SORCS1: variants seen among roughly 807,000 people sequenced by gnomAD.
SORCS1 encodes the protein VPS10 domain-containing receptor SorCS1.
A neutral mutation model predicts 146.1 loss-of-function variants in SORCS1; 60 were observed. The observed-to-expected ratio is 0.41, with a 90% CI of 0.33 to 0.51. SORCS1 has a LOEUF of 0.51. Among genes scored for constraint, SORCS1 ranks in the 20% least tolerant of loss-of-function variants. The probability of loss-of-function intolerance (pLI) is 0.21; values close to 1 mark genes in which losing one functional copy is unlikely to be tolerated. For missense variants in SORCS1, 1,352 were observed against 1,487.6 expected (o/e 0.91, Z 1.50); for synonymous variants, 637 against 584.0 (o/e 1.09, Z -1.31).
chr10:106,703,385 A>G (rs1330599307), intron 8 of SORCS1, among the ~76,000 whole-genome samples: 1 of 152,122 alleles, frequency 6.6e-6, no homozygotes, highest in Admixed American at 6.6e-5. Flanking sequence ...TTTATAGAGT[A>G]TCTGTCCTCC....
At chr10:106,924,519 T>A in intron 2 of SORCS1, among the ~76,000 whole-genome samples, 1 of 147,742 alleles carries the variant, frequency 6.8e-6, no homozygotes, top group East Asian at 2.0e-4. Flanking sequence ...CTATCTAATT[T>A]GCATTGGGCA....
intron 1 of SORCS1, among the ~76,000 whole-genome samples, chr10:106,987,339 A>G (rs1380093365): frequency 6.6e-6 from 1 of 152,244 alleles, no homozygotes; most frequent in East Asian, 1.9e-4. Context: ...CAGTGATCAG[A>G]AACTGAAATC....
At chr10:107,050,399 A>G (rs949214017) in intron 1 of SORCS1, among the ~76,000 whole-genome samples, 2 of 152,190 alleles carry the variant, frequency 1.3e-5, no homozygotes, top group African/African-American at 2.4e-5. Context: ...CTTTTCCACA[A>G]TCAGAAGCAG....
chr10:106,590,346 T>C (rs1845526090), intron 24 of SORCS1, among the ~76,000 whole-genome samples: 1 of 152,152 alleles, frequency 6.6e-6, no homozygotes, highest in African/African-American at 2.4e-5. Flanking sequence ...GCCAGCTCAG[T>C]GTGAGTGAGG....
the SORCS1 span, among the ~76,000 whole-genome samples, chr10:107,175,427 T>C: frequency 6.6e-6 from 1 of 152,016 alleles, no homozygotes; most frequent in Non-Finnish European, 1.5e-5. Context: ...TATCAACCTA[T>C]TTAGATTTCT....
chr10:106,633,084 A>AAGAC (rs1387338608), intron 18 of SORCS1, among the ~76,000 whole-genome samples: 1 of 152,152 alleles, frequency 6.6e-6, no homozygotes, highest in African/African-American at 2.4e-5. Flanking sequence ...AGAGAAAAAT[A>AAGAC]CCTTCTGGGA....
intron 21 of SORCS1, among the ~76,000 whole-genome samples, chr10:106,615,885 T>C (rs995005071): frequency 6.6e-6 from 1 of 152,146 alleles, no homozygotes; most frequent in Admixed American, 6.5e-5. Flanking sequence ...CTTACAAACA[T>C]ACCCTCTGGA....
chr10:106,970,357 A>ATTTTT (rs1955719800), intron 1 of SORCS1, among the ~76,000 whole-genome samples: 1 of 24,522 alleles, frequency 4.1e-5, no homozygotes, highest in African/African-American at 2.3e-4. Context: ...TTTTTTTTTG[A>ATTTTT]GATGGAGTTT....
intron 2 of SORCS1, among the ~76,000 whole-genome samples, chr10:106,900,925 T>C (rs2138066349): frequency 6.6e-6 from 1 of 152,362 alleles, no homozygotes; most frequent in Admixed American, 6.5e-5. Flanking sequence ...CAATCTATCA[T>C]AAACTTGTCT....
intron 23 of SORCS1, among the ~76,000 whole-genome samples, chr10:106,599,153 T>C (rs1589441565): frequency 6.6e-6 from 1 of 151,972 alleles, no homozygotes; most frequent in East Asian, 1.9e-4. Context: ...ATCACTTCAG[T>C]TCAGGAGTTC....
At chr10:106,830,521 G>T (rs1948492868) in intron 2 of SORCS1, among the ~76,000 whole-genome samples, 1 of 149,238 alleles carries the variant, frequency 6.7e-6, no homozygotes, top group Non-Finnish European at 1.5e-5. Context: ...TTGAATTCAG[G>T]TATTTTCGCC....
At chr10:106,852,384 C>T (rs952567096) in intron 2 of SORCS1, among the ~76,000 whole-genome samples, 5 of 152,108 alleles carry the variant, frequency 3.3e-5, no homozygotes, top group African/African-American at 9.7e-5. Flanking sequence ...AATCCCAGCA[C>T]TTTCGAAGGC....
At chr10:106,636,164 G>A (rs1848710452) in intron 18 of SORCS1, among the ~76,000 whole-genome samples, 1 of 152,120 alleles carries the variant, frequency 6.6e-6, no homozygotes, top group African/African-American at 2.4e-5. Flanking sequence ...CGAGGCTGAA[G>A]TGAGAGGACC....
chr10:106,650,290 G>T (rs1849762154), intron 18 of SORCS1, among the ~76,000 whole-genome samples: 1 of 152,172 alleles, frequency 6.6e-6, no homozygotes, highest in South Asian at 2.1e-4. Flanking sequence ...TGGGTACAGA[G>T]GGCTTGTTCT....
chr10:107,006,746 G>C (rs2139683539), intron 1 of SORCS1, among the ~76,000 whole-genome samples: 1 of 152,356 alleles, frequency 6.6e-6, no homozygotes, highest in African/African-American at 2.4e-5. Context: ...GAACCTGGGA[G>C]GCGGAGCTTG....
chr10:106,782,875 C>T (rs1383736909), intron 3 of SORCS1, among the ~76,000 whole-genome samples: 1 of 152,178 alleles, frequency 6.6e-6, no homozygotes, highest in East Asian at 1.9e-4. Flanking sequence ...ACTTCTGTTC[C>T]ACAGGAAGAG....
intron 3 of SORCS1, among the ~76,000 whole-genome samples, chr10:106,782,537 C>T (rs777904305): frequency 2.6e-5 from 4 of 152,180 alleles, no homozygotes; most frequent in African/African-American, 4.8e-5. Context: ...AGGAGTCATT[C>T]AGTACCTCTT....
intron 1 of SORCS1, among the ~76,000 whole-genome samples, chr10:107,019,878 A>T (rs1958058476): frequency 6.6e-6 from 1 of 152,254 alleles, no homozygotes; most frequent in Admixed American, 6.5e-5. Context: ...ATAGACAAGG[A>T]AAGTAAATGC....
At chr10:106,815,666 G>A (rs745339700) in intron 3 of SORCS1, among the ~76,000 whole-genome samples, 1 of 152,112 alleles carries the variant, frequency 6.6e-6, no homozygotes, top group African/African-American at 2.4e-5. Flanking sequence ...TGTGGGGTAG[G>A]ATAAGTGAGA....
Sources: allele counts gnomAD v4.1 joint callset (sites outside exome capture counted in the v4.1 genomes callset), GRCh38; gene constraint gnomAD v4.1.1; transcripts MANE v1.5; gene names NCBI Gene and HGNC (gene_info 2026-07-23, HGNC 2026-07-21).